Variants in ATP11C observed in about 807,000 individuals in gnomAD.
The protein encoded by ATP11C is ATPase phospholipid transporting 11C (ATP11C blood group).
Under a neutral mutation model 97.4 loss-of-function variants are expected in ATP11C, and 36 were observed. The ratio of observed to expected loss-of-function variants is 0.37; its 90% CI spans 0.28 to 0.49. The LOEUF (loss-of-function observed/expected upper bound fraction) is 0.49, where lower values mean the gene tolerates loss of function less well. ATP11C is among the 20% of genes least tolerant of loss of function. The probability of loss-of-function intolerance (pLI) is 0.98; values close to 1 mark genes in which losing one functional copy is unlikely to be tolerated. For missense variants in ATP11C, 730 were observed against 824.6 expected (o/e 0.89, Z 1.40); for synonymous variants, 275 against 290.9 (o/e 0.95, Z 0.56).
intron 1 of ATP11C, among the ~76,000 whole-genome samples, chrX:139,894,783 T>A (rs66966740): frequency 0.06 from 6,704 of 111,566 alleles, 297 homozygotes; most frequent in East Asian, 0.3. Context: ...ATAAAAATAA[T>A]AAAAAACTAA....
intron 1 of ATP11C, among the ~76,000 whole-genome samples, chrX:139,836,729 G>A (rs1214980453): frequency 2.7e-5 from 3 of 111,196 alleles, no homozygotes; most frequent in Non-Finnish European, 5.7e-5. Flanking sequence ...CTTTTAAGAT[G>A]CCCACTTAAA....
intron 18 of ATP11C, among the ~76,000 whole-genome samples, chrX:139,781,540 C>A (rs906489072): frequency 4.6e-4 from 51 of 111,294 alleles, no homozygotes; most frequent in African/African-American, 1.6e-3. Context: ...TGGCGAAACC[C>A]CGCCTCTACT....
chrX:139,851,143 A>G (rs781017039), intron 1 of ATP11C, among the ~76,000 whole-genome samples: 1 of 111,080 alleles, frequency 9.0e-6, no homozygotes, highest in East Asian at 2.9e-4. Context: ...CCAGAGCTGC[A>G]GGAGGGAAGA....
intron 1 of ATP11C, among the ~76,000 whole-genome samples, chrX:139,884,764 C>G (rs2084613784): frequency 8.9e-6 from 1 of 112,192 alleles, no homozygotes; most frequent in African/African-American, 3.2e-5. Context: ...GTCAAAAGAA[C>G]TAAACAAACA....
intron 1 of ATP11C, among the ~76,000 whole-genome samples, chrX:139,905,182 T>C (rs1355913466): frequency 8.9e-6 from 1 of 112,345 alleles, no homozygotes; most frequent in Non-Finnish European, 1.9e-5. Context: ...AATTTTTCCC[T>C]ATGGCATAGT....
At chrX:139,832,066 T>C (rs2083660868) in intron 1 of ATP11C, 8 of 954,436 alleles carry the variant, frequency 8.4e-6, no homozygotes, top group Non-Finnish European at 1.1e-5. Flanking sequence ...AAAATATACA[T>C]GCAAATAAAA....
chrX:139,854,507 C>A (rs921315211), intron 1 of ATP11C, among the ~76,000 whole-genome samples: 1 of 110,973 alleles, frequency 9.0e-6, no homozygotes, highest in Non-Finnish European at 1.9e-5. Flanking sequence ...ATGGTAAATT[C>A]TTGTCCTGAA....
At chrX:139,763,569 C>T (rs772165929) in intron 20 of ATP11C, 151 bp from the exon 21 acceptor site, 6 of 435,885 alleles carry the variant, frequency 1.4e-5, no homozygotes, top group African/African-American at 2.5e-5. Flanking sequence ...CCTCAGTATC[C>T]TTGGAGGACT....
chrX:139,788,362 A>G lies in ATP11C; in HGVS notation c.1369-19T>C. The G allele has an allele frequency of 8.5e-7, 1 of 1,182,337 alleles. No individual in the cohort carries two copies. The highest frequency in any genetic ancestry group is 1.1e-6 in the Non-Finnish European group (1 of 872,040). On this transcript the variant is annotated intron_variant, in intron 13 of 29. Transcript: ENST00000682941. Reference sequence around the variant, plus strand: ...CTCGATTCTGTGGAACAGCAACAAAATAATGATTATTATTTTTAATTTGAT... The same window carrying G: ...CTCGATTCTGTGGAACAGCAACAAAGTAATGATTATTATTTTTAATTTGAT...
chrX:139,734,324 T>A (rs2081402359), intron 28 of ATP11C, among the ~76,000 whole-genome samples: 1 of 111,085 alleles, frequency 9.0e-6, no homozygotes, highest in Non-Finnish European at 1.9e-5. Context: ...CTGAAAGAGT[T>A]CTCTACATAA....
At chrX:139,869,393 T>C (rs2084334181) in intron 1 of ATP11C, among the ~76,000 whole-genome samples, 1 of 111,267 alleles carries the variant, frequency 9.0e-6, no homozygotes. Flanking sequence ...TATTATAGCA[T>C]TTGTACCCAT....
In ATP11C at chrX:139,768,286, G is replaced by A. The variant is rs747568820; in HGVS notation, c.2365C>T (p.Arg789Trp). The change falls in exon 20 of 30, where the codon CGG becomes TGG. Residue 789 changes from arginine to tryptophan, a missense_variant. Physicochemically the swap from Arg to Trp is moderately radical, Grantham distance 101. Coordinates refer to ENST00000682941, the MANE Select transcript of ATP11C (RefSeq NM_001353812.2). ...CMKCTAVLCC[R>W]MAPLQKAQIV... is the part of the protein sequence containing the mutation. ...TGGGCTTTCTGTAATGGTGCCATCC[G>A]ACAGCAGAGCACTGCAGTACACTTC... 3 of 1,124,359 alleles carry A rather than the reference G, an allele frequency of 2.7e-6. No homozygotes were observed. Among genetic ancestry groups the A allele is most frequent in the East Asian group, 3.1e-5 (1 of 31,793 alleles). The allele number at this position is 1,124,359 out of a possible 1,213,427, so 92.7% of individuals were successfully genotyped here.
At chrX:139,798,175 T>C (rs998765607) in intron 10 of ATP11C, 98 bp downstream of exon 10, 17 of 710,614 alleles carry the variant, frequency 2.4e-5, no homozygotes, top group Middle Eastern at 3.9e-4. Flanking sequence ...GTTGCTATTA[T>C]AATTGATGTT....
chrX:139,916,262 T>A (rs2085155323), intron 1 of ATP11C, among the ~76,000 whole-genome samples: 1 of 108,311 alleles, frequency 9.2e-6, no homozygotes, highest in South Asian at 4.0e-4. Context: ...CATCACTTAG[T>A]CTTTGATCTC....
chrX:139,786,920 C>T (rs994117788), intron 15 of ATP11C, among the ~76,000 whole-genome samples: 1 of 112,118 alleles, frequency 8.9e-6, no homozygotes, highest in African/African-American at 3.2e-5. Context: ...ATTTGAGAAA[C>T]ATTCCAGGCA....
chrX:139,796,631 T>C (rs2082802540), intron 11 of ATP11C, among the ~76,000 whole-genome samples, 161 bp from the exon 12 acceptor site: 1 of 112,412 alleles, frequency 8.9e-6, no homozygotes, highest in Non-Finnish European at 1.9e-5. Flanking sequence ...GTAGTCAAAA[T>C]TATCACAGTA....
At chrX:139,933,898 G>T (rs1251857658), upstream of ATP11C, among the ~76,000 whole-genome samples, 1 of 112,641 alleles carries the variant, frequency 8.9e-6, no homozygotes, top group Non-Finnish European at 1.9e-5. Flanking sequence ...AATCTGGTTG[G>T]GGGATACAAA....
intron 18 of ATP11C, 100 bp downstream of exon 18, chrX:139,782,447 A>C: frequency 1.8e-6 from 1 of 553,008 alleles, no homozygotes; most frequent in Non-Finnish European, 2.7e-6. Context: ...TAAACAATAA[A>C]ACTAAAGATT....
At chrX:139,814,323 T>C (rs1263180163) in intron 5 of ATP11C, among the ~76,000 whole-genome samples, 5 of 110,892 alleles carry the variant, frequency 4.5e-5, no homozygotes, top group Admixed American at 3.9e-4. Flanking sequence ...CTATGGAAAA[T>C]AGTTTAGTGG....
Sources: allele counts gnomAD v4.1 joint callset (sites outside exome capture counted in the v4.1 genomes callset), GRCh38; gene constraint gnomAD v4.1.1; transcripts MANE v1.5; gene names NCBI Gene and HGNC (gene_info 2026-07-23, HGNC 2026-07-21).